Variants in BRWD3 observed in about 807,000 individuals in gnomAD.
BRWD3 encodes the protein bromodomain and WD repeat domain containing 3, also known as bromodomain and WD repeat-containing protein 3.
In BRWD3, 10 loss-of-function variants were observed where a neutral mutation model predicts 149.7. The observed-to-expected ratio is 0.07, with a 90% CI of 0.04 to 0.11. BRWD3 has a LOEUF of 0.11. Ranked by LOEUF, BRWD3 falls within the 10% of genes least tolerant of loss-of-function variation. The pLI, the probability that BRWD3 is intolerant of heterozygous loss-of-function variation, is 1.00. For missense variants in BRWD3, 940 were observed against 1,373.2 expected (o/e 0.68, Z 4.99); for synonymous variants, 504 against 456.7 (o/e 1.10, Z -1.32).
At position 80,673,884 on chromosome X, in the gene BRWD3, C is replaced by G. The variant is rs1602291510; in HGVS notation, c.*2725G>C. ...TTGCTATGGCTGGACCCAGATTTTA[C>G]GTAGGTTTAAAGGGCCTCAAAGAAA... On this transcript the variant is annotated 3_prime_UTR_variant, in exon 41 of 41. Transcript: ENST00000373275. The G allele has an allele frequency of 9.1e-6, 1 of 110,461 alleles. No homozygotes were observed. The highest frequency in any genetic ancestry group is 3.3e-5 in the African/African-American group (1 of 30,357). The allele number at this position is 110,461 out of a possible 1,213,427, so 9.1% of individuals were successfully genotyped here.
At chrX:80,701,535 C>G (rs1223996834) in intron 24 of BRWD3, among the ~76,000 whole-genome samples, 4 of 57,787 alleles carry the variant, frequency 6.9e-5, no homozygotes, top group Non-Finnish European at 8.5e-5. Flanking sequence ...GGCAACAGAG[C>G]GAGACTCGTC....
chrX:80,735,072 A>G, intron 10 of BRWD3, 55 bp downstream of exon 10: 1 of 1,022,685 alleles, frequency 9.8e-7, no homozygotes, highest in African/African-American at 1.9e-5. Flanking sequence ...AATCACTTTC[A>G]CAACTGGATC....
chrX:80,776,033 T>A (rs972580459), intron 6 of BRWD3, among the ~76,000 whole-genome samples: 1 of 112,052 alleles, frequency 8.9e-6, no homozygotes, highest in Admixed American at 9.5e-5. Flanking sequence ...GTCTCCTGAT[T>A]CTAGTTTAAT....
chrX:80,732,867 TG>T (rs747473867), intron 12 of BRWD3, among the ~76,000 whole-genome samples: 434 of 111,828 alleles, frequency 3.9e-3, no homozygotes, highest in African/African-American at 0.013. Flanking sequence ...TGGCCGGGCA[TG>T]GTGGCTCACG....
chrX:80,718,771 A>C, intron 18 of BRWD3, among the ~76,000 whole-genome samples: 1 of 111,827 alleles, frequency 8.9e-6, no homozygotes, highest in Non-Finnish European at 1.9e-5. Flanking sequence ...CTCTAGTTAC[A>C]AATATATGAA....
intron 6 of BRWD3, among the ~76,000 whole-genome samples, chrX:80,756,502 C>CAAA (rs974549325): frequency 0.53 from 21,899 of 41,224 alleles, 6,878 homozygotes; most frequent in Admixed American, 0.66. Context: ...AACTCTGTCT[C>CAAA]AAAAAAAAAA....
intron 31 of BRWD3, among the ~76,000 whole-genome samples, chrX:80,690,345 T>C (rs1000009584): frequency 2.7e-5 from 3 of 110,671 alleles, no homozygotes; most frequent in Non-Finnish European, 3.8e-5. Flanking sequence ...TAGGACATTA[T>C]AGGTAAAGAG....
At chrX:80,705,866 G>A (rs865815410) in intron 22 of BRWD3, among the ~76,000 whole-genome samples, 6 of 111,910 alleles carry the variant, frequency 5.4e-5, no homozygotes, top group African/African-American at 1.6e-4. Flanking sequence ...GAAAGTTGCC[G>A]TGGGTGAGTC....
chrX:80,721,858 TTTA>T (rs1279960096), intron 17 of BRWD3, among the ~76,000 whole-genome samples: 1 of 111,664 alleles, frequency 9.0e-6, no homozygotes, highest in Non-Finnish European at 1.9e-5. Context: ...TTGTTTTCTT[TTTA>T]TTGAGACAAG....
chrX:80,715,008 T>G (rs2073055316), intron 20 of BRWD3, among the ~76,000 whole-genome samples: 1 of 111,855 alleles, frequency 8.9e-6, no homozygotes, highest in Admixed American at 9.5e-5. Context: ...GATATTCCAT[T>G]TAGCTAAGCT....
intron 30 of BRWD3, 56 bp from the exon 31 acceptor site, chrX:80,691,229 G>C: frequency 4.4e-6 from 5 of 1,130,434 alleles, no homozygotes; most frequent in Non-Finnish European, 6.0e-6. Context: ...ACATCTCATG[G>C]TAACAAACAT....
chrX:80,763,571 T>C (rs776824474), intron 6 of BRWD3, among the ~76,000 whole-genome samples: 16 of 111,931 alleles, frequency 1.4e-4, no homozygotes, highest in South Asian at 1.1e-3. Flanking sequence ...CAAAACTCAA[T>C]TGCATTTCTA....
intron 6 of BRWD3, among the ~76,000 whole-genome samples, chrX:80,786,043 G>C (rs1053388135): frequency 9.0e-6 from 1 of 111,585 alleles, no homozygotes; most frequent in Non-Finnish European, 1.9e-5. Context: ...GAAGAAAAAA[G>C]AAAATCAAAT....
chrX:80,793,482 C>T, intron 5 of BRWD3, 140 bp downstream of exon 5: 1 of 648,193 alleles, frequency 1.5e-6, no homozygotes, highest in Non-Finnish European at 2.3e-6. Flanking sequence ...TTTACTTGTA[C>T]ACTAAGAAAA....
chrX:80,743,090 G>C (rs1279131339), intron 8 of BRWD3, among the ~76,000 whole-genome samples: 1 of 111,757 alleles, frequency 8.9e-6, no homozygotes, highest in East Asian at 2.8e-4. Flanking sequence ...AATTTATTGA[G>C]AGTTTTTAGC....
At chrX:80,693,487 A>C (rs1012178229) in intron 27 of BRWD3, among the ~76,000 whole-genome samples, 5 of 112,166 alleles carry the variant, frequency 4.5e-5, no homozygotes, top group Non-Finnish European at 5.6e-5. Context: ...AAAGTCTGGA[A>C]CTTCCTAGAG....
intron 22 of BRWD3, among the ~76,000 whole-genome samples, chrX:80,706,394 C>G (rs752437707): frequency 1.5e-4 from 17 of 111,828 alleles, no homozygotes; most frequent in Admixed American, 3.8e-4. Flanking sequence ...CAGAAGTGAG[C>G]CACCACGTTC....
At chrX:80,743,768 T>C (rs550076177) in intron 8 of BRWD3, 1 of 313,944 alleles carries the variant, frequency 3.2e-6, no homozygotes, top group Admixed American at 5.6e-5. Flanking sequence ...TTACAGGTTT[T>C]CTCCCTTCTT....
At chrX:80,702,044 A>C (rs1397670970) in intron 24 of BRWD3, among the ~76,000 whole-genome samples, 1 of 112,295 alleles carries the variant, frequency 8.9e-6, no homozygotes. Context: ...TTAGACCTTG[A>C]AAATGATAAT....
Sources: gnomAD v4.1 joint callset for allele counts (sites outside exome capture counted in the v4.1 genomes callset) on GRCh38, gnomAD v4.1.1 for gene constraint, MANE v1.5 for transcripts, NCBI Gene and HGNC (gene_info 2026-07-23, HGNC 2026-07-21) for gene names.